ROBO1: variants seen among roughly 807,000 people sequenced by gnomAD.
ROBO1 encodes the protein roundabout homolog 1.
Under a neutral mutation model 195.9 loss-of-function variants are expected in ROBO1, and 149 were observed. That is an observed-to-expected ratio of 0.76 (90% CI 0.67 to 0.87). The LOEUF (loss-of-function observed/expected upper bound fraction) is 0.87, where lower values mean the gene tolerates loss of function less well. Among genes scored for constraint, ROBO1 ranks in the 40% least tolerant of loss-of-function variants. The probability of loss-of-function intolerance (pLI) is 0.00; values close to 1 mark genes in which losing one functional copy is unlikely to be tolerated. For missense variants in ROBO1, 1,933 were observed against 2,068.3 expected (o/e 0.93, Z 1.27); for synonymous variants, 816 against 733.2 (o/e 1.11, Z -1.82).
chr3:78,961,305 G>C (rs1007230747), intron 3 of ROBO1, among the ~76,000 whole-genome samples: 5 of 152,128 alleles, frequency 3.3e-5, no homozygotes, highest in African/African-American at 1.2e-4. Flanking sequence ...AACATAAGAT[G>C]CAAGGAGATG....
chr3:79,257,034 A>C (rs1247175000), intron 2 of ROBO1, among the ~76,000 whole-genome samples: 1 of 152,174 alleles, frequency 6.6e-6, no homozygotes, highest in African/African-American at 2.4e-5. Flanking sequence ...TCCATAAATA[A>C]GTTACATCTT....
chr3:79,710,814 C>A (rs929778822), intron 1 of ROBO1, among the ~76,000 whole-genome samples: 11 of 152,076 alleles, frequency 7.2e-5, no homozygotes, highest in African/African-American at 1.4e-4. Context: ...GGTGAAGGAA[C>A]CTACTTGTCA....
At chr3:79,101,847 G>A (rs1559659935) in intron 3 of ROBO1, among the ~76,000 whole-genome samples, 1 of 151,908 alleles carries the variant, frequency 6.6e-6, no homozygotes, top group East Asian at 1.9e-4. Flanking sequence ...AGATAGTTGT[G>A]ATGGGATTTA....
At chr3:79,514,671 A>C (rs1940865530) in intron 2 of ROBO1, among the ~76,000 whole-genome samples, 1 of 151,888 alleles carries the variant, frequency 6.6e-6, no homozygotes, top group Non-Finnish European at 1.5e-5. Flanking sequence ...TCACCAAAAA[A>C]CCTTTTAACC....
chr3:78,838,033 A>G (rs1414276238), intron 4 of ROBO1, among the ~76,000 whole-genome samples: 1 of 152,168 alleles, frequency 6.6e-6, no homozygotes, highest in East Asian at 1.9e-4. Context: ...CTACATCACA[A>G]TTTCAGGTGA....
At chr3:79,194,365 A>T (rs539290316) in intron 2 of ROBO1, among the ~76,000 whole-genome samples, 18 of 151,758 alleles carry the variant, frequency 1.2e-4, no homozygotes, top group Non-Finnish European at 2.2e-4. Context: ...TCACGCAAAA[A>T]AGTCATTTTT....
intron 5 of ROBO1, among the ~76,000 whole-genome samples, chr3:78,742,189 A>G (rs1186088515): frequency 6.6e-6 from 1 of 152,074 alleles, no homozygotes; most frequent in African/African-American, 2.4e-5. Flanking sequence ...TATAACCAAA[A>G]CTGTAGCAAT....
intron 3 of ROBO1, among the ~76,000 whole-genome samples, chr3:79,095,843 T>C (rs2079557092): frequency 6.6e-6 from 1 of 152,008 alleles, no homozygotes; most frequent in Admixed American, 6.6e-5. Context: ...ATGTGACTCT[T>C]GGAGGTTTCC....
At chr3:78,949,399 A>G (rs1425146141) in intron 3 of ROBO1, among the ~76,000 whole-genome samples, 11 of 145,516 alleles carry the variant, frequency 7.6e-5, no homozygotes, top group African/African-American at 2.5e-4. Context: ...TGACAAAAAC[A>G]AGCAATGGGG....
chr3:78,979,941 G>GA (rs1481781193), intron 3 of ROBO1, among the ~76,000 whole-genome samples: 9 of 151,868 alleles, frequency 5.9e-5, no homozygotes, highest in Non-Finnish European at 1.0e-4. Context: ...TTCTAAAATA[G>GA]AAAAAGCTTT....
chr3:79,706,578 G>T (rs72899811), intron 1 of ROBO1, among the ~76,000 whole-genome samples: 2,076 of 152,146 alleles, frequency 0.014, 41 homozygotes, highest in African/African-American at 0.047. Context: ...CCGGTAGGGG[G>T]TAATTAAGTC....
In ROBO1 at chr3:79,572,655, C is replaced by T. The variant is rs528643897; in HGVS notation, c.88+17169G>A. On this transcript the variant is annotated intron_variant, in intron 2 of 30. Transcript: ENST00000464233. ...TTTTATGACATATGTAGATTATATCCTCAACTATGAAACCATTTGTCAAGT... is the reference window on the plus strand; with the variant it reads ...TTTTATGACATATGTAGATTATATCTTCAACTATGAAACCATTTGTCAAGT... Among the ~76,000 whole-genome samples, 7 of 151,932 alleles carry T rather than the reference C, an allele frequency of 4.6e-5. No homozygotes were observed. The South Asian group carries it at 1.5e-3, about 32-fold the overall frequency.
intron 2 of ROBO1, among the ~76,000 whole-genome samples, chr3:79,160,808 TAAC>T (rs1180518886): frequency 6.6e-6 from 1 of 151,974 alleles, no homozygotes; most frequent in Non-Finnish European, 1.5e-5. Flanking sequence ...GAGCACTCAG[TAAC>T]AACAAAATTT....
intron 2 of ROBO1, among the ~76,000 whole-genome samples, chr3:79,573,311 C>T (rs148290032): frequency 7.2e-5 from 11 of 152,230 alleles, no homozygotes; most frequent in African/African-American, 2.6e-4. Flanking sequence ...TTCTGCCTCT[C>T]AAGTTCTGGG....
intron 1 of ROBO1, among the ~76,000 whole-genome samples, chr3:79,727,934 G>A (rs1375865661): frequency 6.6e-6 from 1 of 152,004 alleles, no homozygotes; most frequent in Admixed American, 6.6e-5. Flanking sequence ...CCCATGTATA[G>A]CAACCTGCTT....
chr3:78,894,113 C>A (rs2037089417), intron 4 of ROBO1, among the ~76,000 whole-genome samples: 1 of 152,004 alleles, frequency 6.6e-6, no homozygotes, highest in Non-Finnish European at 1.5e-5. Flanking sequence ...AAGCCAAAAA[C>A]CACATTAAAA....
chr3:78,996,778 A>C (rs945950552), intron 3 of ROBO1, among the ~76,000 whole-genome samples: 1 of 152,154 alleles, frequency 6.6e-6, no homozygotes, highest in Admixed American at 6.6e-5. Flanking sequence ...AACATCTAAA[A>C]TAAATTGCTA....
chr3:78,906,346 C>A (rs1037702921), intron 4 of ROBO1, among the ~76,000 whole-genome samples: 1 of 152,122 alleles, frequency 6.6e-6, no homozygotes, highest in South Asian at 2.1e-4. Context: ...GAAGTGCACA[C>A]AAAATGGGAC....
intron 10 of ROBO1, among the ~76,000 whole-genome samples, chr3:78,682,539 A>G (rs1195096447): frequency 6.7e-6 from 1 of 148,192 alleles, no homozygotes; most frequent in African/African-American, 2.5e-5. Flanking sequence ...ATATATGTAT[A>G]TATAGTATAT....
Sources: gnomAD v4.1 joint callset for allele counts (sites outside exome capture counted in the v4.1 genomes callset) on GRCh38, gnomAD v4.1.1 for gene constraint, MANE v1.5 for transcripts, NCBI Gene and HGNC (gene_info 2026-07-23, HGNC 2026-07-21) for gene names.